IKZF4: variants seen among roughly 807,000 people sequenced by gnomAD.
IKZF4 encodes the protein zinc finger protein Eos.
Under a neutral mutation model 47.7 loss-of-function variants are expected in IKZF4, and 11 were observed. The observed-to-expected ratio is 0.23, with a 90% CI of 0.15 to 0.38. The LOEUF (loss-of-function observed/expected upper bound fraction) is 0.38. Among genes scored for constraint, IKZF4 ranks in the 10% least tolerant of loss-of-function variants. The pLI is 1.00. For missense variants in IKZF4, 557 were observed against 784.9 expected (o/e 0.71, Z 3.47); for synonymous variants, 298 against 299.4 (o/e 1.00, Z 0.05).
chr12:56,010,316 C>G (rs1891187906), intron 1 of IKZF4: 1 of 152,158 alleles, frequency 6.6e-6, no homozygotes, highest in African/African-American at 2.4e-5. Flanking sequence ...ACAAAGGCAT[C>G]TAAGAAAGGG....
At chr12:56,024,931 C>T in intron 2 of IKZF4, 123 bp from the exon 3 acceptor site, 2 of 1,530,040 alleles carry the variant, frequency 1.3e-6, no homozygotes, top group Middle Eastern at 1.8e-4. Flanking sequence ...TACAACACTG[C>T]TTTGTACATG....
chr12:56,034,997 A>G lies in IKZF4; in HGVS notation c.1424A>G (p.Gln475Arg). 1.9e-6 allele frequency: 3 copies of G among 1,556,984 alleles called. No individual in the cohort carries two copies. The highest frequency in any genetic ancestry group is 1.7e-4 in the Middle Eastern group (1 of 5,798). Residue 475 changes from glutamine to arginine, a missense_variant, in exon 8 of 8, where the codon CAG (glutamine) becomes CGG (arginine). Physicochemically the swap from Gln to Arg is conservative, Grantham distance 43. Transcript: ENST00000547167. ...GTTGCGGGGGTGGTATCCCTCCCTC[A>G]GGGTCCCCCACCCCAGCCACCTCCC... ...DRVAGVVSLPQGPPPQPPPTI... is the reference protein window; with the variant it reads ...DRVAGVVSLPRGPPPQPPPTI...
At chr12:56,017,848 C>T (rs542879711), upstream of IKZF4, among the ~76,000 whole-genome samples, 3 of 152,246 alleles carry the variant, frequency 2.0e-5, no homozygotes, top group African/African-American at 4.8e-5. Flanking sequence ...TGCCACGATG[C>T]CTAATTTATT....
At chr12:56,016,416 T>C (rs1441346590), upstream of IKZF4, among the ~76,000 whole-genome samples, 1 of 150,840 alleles carries the variant, frequency 6.6e-6, no homozygotes, top group Non-Finnish European at 1.5e-5. Flanking sequence ...TTTCTTTTTT[T>C]TTCTTTTCTT....
chr12:56,030,828 A>G (rs931498648), intron 5 of IKZF4, among the ~76,000 whole-genome samples: 4 of 152,182 alleles, frequency 2.6e-5, no homozygotes. Context: ...TAATGGGTAC[A>G]AGATTACAGT....
At position 56,033,963 on chromosome 12, in the gene IKZF4, G is replaced by A. The variant is rs575997779; in HGVS notation, c.998-608G>A. On this transcript the variant is annotated intron_variant, in intron 7 of 7. Coordinates refer to ENST00000547167, the MANE Select transcript of IKZF4 (RefSeq NM_022465.4). ...CGCCCAGGCTAGAATGCAGTGGCACGATCTCGGCTCACTGCAACCTCTGTC... is the reference window on the plus strand; with the variant it reads ...CGCCCAGGCTAGAATGCAGTGGCACAATCTCGGCTCACTGCAACCTCTGTC... Among the ~76,000 whole-genome samples, 50 of 152,128 alleles carry A rather than the reference G, an allele frequency of 3.3e-4. 2 individuals are homozygous for A. Among genetic ancestry groups the A allele is most frequent in the African/African-American group, 1.2e-3 (48 of 41,522 alleles).
At chr12:56,023,544 A>T in intron 1 of IKZF4, 127 bp from the exon 2 acceptor site, 1 of 1,133,436 alleles carries the variant, frequency 8.8e-7, no homozygotes, top group Non-Finnish European at 1.2e-6. Flanking sequence ...GGCTTTTTCT[A>T]TAGATAGTGA....
chr12:56,037,241 C>T lies in IKZF4; in HGVS notation c.*1910C>T, dbSNP rs185479917. Reference sequence around the variant, plus strand: ...CCACTCTGAGGTTTCCCCAAGAGAACCAGATTGGCAGGGAGAAGCATTGTG... The same window carrying T: ...CCACTCTGAGGTTTCCCCAAGAGAATCAGATTGGCAGGGAGAAGCATTGTG... On this transcript the variant is annotated 3_prime_UTR_variant, in exon 8 of 8. Coordinates refer to ENST00000547167, the MANE Select transcript of IKZF4 (RefSeq NM_022465.4). 7.9e-3 allele frequency: 1,203 copies of T among 152,686 alleles called. 5 individuals are homozygous for T. Among genetic ancestry groups the T allele is most frequent in the Non-Finnish European group, 1.0e-2 (679 of 68,032 alleles). 9.5% of individuals were successfully genotyped at this position (152,686 alleles called of 1,614,324 possible). A position where few individuals can be genotyped will look rare whatever the true frequency, so the allele number is the denominator to read the frequency against.
At chr12:56,027,637 G>T in intron 4 of IKZF4, 143 bp from the exon 5 acceptor site, 2 of 787,406 alleles carry the variant, frequency 2.5e-6, no homozygotes, top group South Asian at 3.0e-5. Flanking sequence ...ATAAATCAGG[G>T]TTTGTGTGCA....
At chr12:56,023,069 G>T (rs1025386268) in intron 1 of IKZF4, among the ~76,000 whole-genome samples, 1 of 152,172 alleles carries the variant, frequency 6.6e-6, no homozygotes, top group Non-Finnish European at 1.5e-5. Context: ...AAAGTGCTGG[G>T]ATTACAGGCG....
At chr12:56,014,785 A>C (rs1702876) in intron 2 of IKZF4, among the ~76,000 whole-genome samples, 115,504 of 151,996 alleles carry the variant, frequency 0.76, 48,614 homozygotes, top group East Asian at 0.99. Flanking sequence ...GTCTCAAAAA[A>C]AAAAACAAAA....
chr12:56,012,284 T>C (rs1305437515), intron 2 of IKZF4, among the ~76,000 whole-genome samples: 7 of 151,804 alleles, frequency 4.6e-5, no homozygotes, highest in African/African-American at 1.5e-4. Context: ...TTTTTTTTTT[T>C]TTTTTTTGAG....
intron 6 of IKZF4, 23 bp from the exon 7 acceptor site, chr12:56,033,167 T>C: frequency 6.2e-7 from 1 of 1,613,074 alleles, no homozygotes; most frequent in Non-Finnish European, 8.5e-7. Flanking sequence ...CTGCTACTAC[T>C]GTCTCCACCT....
rs1893654452 is a variant in IKZF4, at chr12:56,024,721, A to T, written c.182-333A>T. The T allele has an allele frequency of 2.5e-6, 3 of 1,199,790 alleles. No homozygotes were observed. In the South Asian group the frequency reaches 5.1e-5, roughly 20 times the overall value. The allele number at this position is 1,199,790 out of a possible 1,614,324, so 74.3% of individuals were successfully genotyped here. On this transcript the variant is annotated intron_variant, in intron 2 of 7. Transcript: ENST00000547167. ...GTAGGGAAGAATGTCTGTCCTGAAC[A>T]TCTGTCCCTTCTGCAGCCCCCATTT...
chr12:56,020,876 G>A (rs531281668), upstream of IKZF4: 31 of 960,526 alleles, frequency 3.2e-5, 1 homozygote, highest in South Asian at 1.2e-3. Flanking sequence ...TTCGGTGGGG[G>A]AGGGGCTTTC....
At chr12:56,014,107 G>C (rs1891691242) in intron 2 of IKZF4, among the ~76,000 whole-genome samples, 2 of 149,398 alleles carry the variant, frequency 1.3e-5, no homozygotes, top group African/African-American at 2.5e-5. Flanking sequence ...GCTGAGATGA[G>C]ATCGTGCCAC....
upstream of IKZF4, chr12:56,007,657 C>T (rs1890862669): frequency 6.5e-6 from 1 of 152,812 alleles, no homozygotes; most frequent in Non-Finnish European, 1.5e-5. Flanking sequence ...GGACCCCCGC[C>T]CCCTCGCCTC....
At chr12:56,020,785 C>A (rs1892769252), upstream of IKZF4, 3 of 216,748 alleles carry the variant, frequency 1.4e-5, no homozygotes, top group African/African-American at 4.7e-5. Context: ...CTCTGCTGGG[C>A]CCTCTCACTG....
In IKZF4 at chr12:56,038,005, C is replaced by A. The variant is rs1048450180; in HGVS notation, c.*2674C>A. On this transcript the variant is annotated 3_prime_UTR_variant, in exon 8 of 8. Transcript: ENST00000547167. ...TTTTTTTGTGTCAGTGTCCAAGCTG[C>A]AGATAGGATTTTGTAATACTTCTGG... is the stretch of plus-strand genomic sequence containing the variant. 22 of 151,202 alleles carry A rather than the reference C, an allele frequency of 1.5e-4. No individual in the cohort carries two copies. Among genetic ancestry groups the A allele is most frequent in the African/African-American group, 5.1e-4 (21 of 41,292 alleles). The allele number at this position is 151,202 out of a possible 1,614,324, so 9.4% of individuals were successfully genotyped here. A position where few individuals can be genotyped will look rare whatever the true frequency, so the allele number is the denominator to read the frequency against.
Sources: gnomAD v4.1 joint callset for allele counts (sites outside exome capture counted in the v4.1 genomes callset) on GRCh38, gnomAD v4.1.1 for gene constraint, MANE v1.5 for transcripts, NCBI Gene and HGNC (gene_info 2026-07-23, HGNC 2026-07-21) for gene names.